The following KCNT2 variants were observed in gnomAD, a reference collection of about 807,000 sequenced individuals.
The protein encoded by KCNT2 is potassium channel subfamily T member 2.
A neutral mutation model predicts 153.8 loss-of-function variants in KCNT2; 67 were observed. That is an observed-to-expected ratio of 0.44 (90% CI 0.36 to 0.53). KCNT2 has a LOEUF of 0.53. Ranked by LOEUF, KCNT2 falls within the 20% of genes least tolerant of loss-of-function variation. The pLI is 0.00. For missense variants in KCNT2, 975 were observed against 1,354.8 expected (o/e 0.72, Z 4.40); for synonymous variants, 500 against 458.8 (o/e 1.09, Z -1.15).
chr1:196,387,012 A>G (rs1670050384), intron 13 of KCNT2, among the ~76,000 whole-genome samples: 1 of 152,116 alleles, frequency 6.6e-6, no homozygotes, highest in South Asian at 2.1e-4. Flanking sequence ...TATAGTTATA[A>G]TTAGGTGAAT....
intron 22 of KCNT2, among the ~76,000 whole-genome samples, chr1:196,303,377 G>A (rs1225871428): frequency 2.6e-5 from 4 of 152,082 alleles, no homozygotes; most frequent in Admixed American, 6.6e-5. Context: ...AGAGATATAT[G>A]TAATTGACTG....
chr1:196,395,950 G>T (rs1242497227), intron 13 of KCNT2, among the ~76,000 whole-genome samples: 1 of 151,590 alleles, frequency 6.6e-6, no homozygotes, highest in African/African-American at 2.4e-5. Flanking sequence ...ATATTGTCAA[G>T]TAAATACGAT....
chr1:196,332,491 G>A (rs1050780667), intron 17 of KCNT2, among the ~76,000 whole-genome samples: 9 of 151,960 alleles, frequency 5.9e-5, no homozygotes, highest in African/African-American at 1.7e-4. Context: ...TTTTAAGTGT[G>A]AGAAATTTAA....
chr1:196,266,944 C>T (rs1008313539), intron 25 of KCNT2, among the ~76,000 whole-genome samples: 5 of 152,186 alleles, frequency 3.3e-5, no homozygotes, highest in African/African-American at 1.2e-4. Flanking sequence ...GCTCATTTGG[C>T]CACCCACAAA....
chr1:196,491,748 T>A (rs979030173), intron 2 of KCNT2, among the ~76,000 whole-genome samples: 1 of 151,974 alleles, frequency 6.6e-6, no homozygotes, highest in East Asian at 1.9e-4. Context: ...AACTCTGAGA[T>A]CTACCCTACA....
intron 8 of KCNT2, among the ~76,000 whole-genome samples, chr1:196,456,949 GTC>G (rs1426772238): frequency 6.6e-6 from 1 of 151,924 alleles, no homozygotes; most frequent in Non-Finnish European, 1.5e-5. Context: ...ACAACGGTTG[GTC>G]TTAATACAAG....
chr1:196,471,037 C>T (rs150321885), intron 5 of KCNT2, among the ~76,000 whole-genome samples: 2,395 of 151,592 alleles, frequency 0.016, 23 homozygotes, highest in Middle Eastern at 0.027. Context: ...CCCACCACCA[C>T]GCCCGGCTAA....
intron 1 of KCNT2, among the ~76,000 whole-genome samples, chr1:196,557,091 G>T (rs926451781): frequency 1.3e-5 from 2 of 150,454 alleles, no homozygotes; most frequent in Non-Finnish European, 3.0e-5. Context: ...CACAAGAGGG[G>T]GTCTATAGTC....
rs531915023 is a variant in KCNT2 at position 196,349,926 on chromosome 1, A to C, written c.1404-7698T>G. On this transcript the variant is annotated intron_variant, in intron 14 of 27. Transcript: ENST00000294725. ...CCTGTGTCCATGTGTTCTCATTGTT[A>C]AATTCCTATCTATGAGTGAGAACGT... is the stretch of plus-strand genomic sequence containing the variant. Among the ~76,000 whole-genome samples the C allele has an allele frequency of 9.2e-5, 14 of 151,732 alleles. No individual in the cohort carries two copies. In the South Asian group the frequency reaches 2.1e-3, roughly 23 times the overall value.
chr1:196,418,075 T>C (rs2148505103), intron 12 of KCNT2, among the ~76,000 whole-genome samples: 1 of 152,286 alleles, frequency 6.6e-6, no homozygotes, highest in African/African-American at 2.4e-5. Context: ...ATATTTCCAA[T>C]CTTGAATGAT....
intron 8 of KCNT2, among the ~76,000 whole-genome samples, chr1:196,451,269 A>G (rs1400116421): frequency 2.0e-5 from 2 of 101,318 alleles, no homozygotes; most frequent in South Asian, 3.4e-4. Flanking sequence ...TTGAGACTCC[A>G]TCTCACTCTG....
intron 1 of KCNT2, among the ~76,000 whole-genome samples, chr1:196,547,742 T>C (rs945764459): frequency 1.3e-5 from 2 of 151,914 alleles, no homozygotes; most frequent in Non-Finnish European, 2.9e-5. Context: ...GTGAGTTTCC[T>C]TATTTATATT....
intron 22 of KCNT2, among the ~76,000 whole-genome samples, chr1:196,297,495 T>C (rs932022866): frequency 6.6e-6 from 1 of 152,186 alleles, no homozygotes; most frequent in Non-Finnish European, 1.5e-5. Context: ...TTTGGGCTCA[T>C]TATGTACAAT....
At chr1:196,465,705 C>T (rs753691056) in intron 7 of KCNT2, among the ~76,000 whole-genome samples, 1 of 151,666 alleles carries the variant, frequency 6.6e-6, no homozygotes, top group Non-Finnish European at 1.5e-5. Context: ...TAAGCATGAA[C>T]TTTTATGGAA....
intron 25 of KCNT2, chr1:196,258,778 A>C: frequency 2.8e-6 from 1 of 357,520 alleles, no homozygotes; most frequent in Non-Finnish European, 5.3e-6. Context: ...CTTAGCATAC[A>C]TAGTTATTTA....
At chr1:196,545,826 T>C (rs774481615) in intron 1 of KCNT2, among the ~76,000 whole-genome samples, 5 of 151,882 alleles carry the variant, frequency 3.3e-5, no homozygotes, top group Non-Finnish European at 5.9e-5. Flanking sequence ...TATCTTTTTA[T>C]GTCTGACTCT....
At chr1:196,570,594 T>G (rs112169982) in intron 1 of KCNT2, among the ~76,000 whole-genome samples, 9 of 152,142 alleles carry the variant, frequency 5.9e-5, no homozygotes, top group Non-Finnish European at 1.2e-4. Flanking sequence ...AAGAAATACT[T>G]TATACATGTT....
rs1392217017 is a variant in KCNT2 at position 196,280,957 on chromosome 1, C to T, written c.2813G>A (p.Arg938Lys). ...MKITADDLWIRTYARLYQKLC... is the reference protein window; with the variant it reads ...MKITADDLWIKTYARLYQKLC... ...CTTCTGATAAAGTCTGGCATAAGTT[C>T]TGATCCATAAGTCATCTGCAGTGAT... Residue 938 changes from arginine (R) to lysine (K), a missense_variant, in exon 25 of 28, where the codon AGA becomes AAA. By Grantham distance (26) the Arg-to-Lys change is conservative (BLOSUM62 2). Coordinates refer to ENST00000294725, the MANE Select transcript of KCNT2 (RefSeq NM_198503.5). 2 of 1,611,172 alleles carry T rather than the reference C, an allele frequency of 1.2e-6. No individual in the cohort carries two copies. Among genetic ancestry groups the T allele is most frequent in the Admixed American group, 3.3e-5 (2 of 59,994 alleles).
chr1:196,527,674 C>T (rs1654414369), intron 1 of KCNT2, among the ~76,000 whole-genome samples: 1 of 152,106 alleles, frequency 6.6e-6, no homozygotes. Flanking sequence ...AGGATATATG[C>T]TTAATTACTC....
Sources: gnomAD v4.1 joint callset for allele counts (sites outside exome capture counted in the v4.1 genomes callset) on GRCh38, gnomAD v4.1.1 for gene constraint, MANE v1.5 for transcripts, NCBI Gene and HGNC (gene_info 2026-07-23, HGNC 2026-07-21) for gene names.